Variants in VPS11 observed in about 807,000 individuals in gnomAD.
VPS11 encodes vacuolar protein sorting-associated protein 11 homolog.
A neutral mutation model predicts 106.8 loss-of-function variants in VPS11; 51 were observed. That is an observed-to-expected ratio of 0.48 (90% confidence interval 0.38 to 0.60). The LOEUF (loss-of-function observed/expected upper bound fraction) is 0.60, where lower values mean the gene tolerates loss of function less well. VPS11 is among the 20% of genes least tolerant of loss of function. The pLI, the probability that VPS11 is intolerant of heterozygous loss-of-function variation, is 0.00. For synonymous variants in VPS11, 453 were observed against 458.7 expected, an observed-to-expected ratio of 0.99 and a Z score of 0.16; for missense variants, 950 against 1,190.0, an observed-to-expected ratio of 0.80 and a Z score of 2.97.
At chr11:119,071,218 C>CT (rs1319757065) in intron 4 of VPS11, among the ~76,000 whole-genome samples, 18 of 152,240 alleles carry the variant, frequency 1.2e-4, no homozygotes, top group African/African-American at 4.3e-4. Context: ...GCATGAGCCA[C>CT]TGCACCGGCC....
intron 9 of VPS11, 62 bp from the exon 10 acceptor site, chr11:119,077,816 G>C (rs1945685260): frequency 6.3e-7 from 1 of 1,589,744 alleles, no homozygotes; most frequent in African/African-American, 1.3e-5. Context: ...CCAGAATGGT[G>C]AAAGTGCTTC....
chr11:119,081,764 C>G lies in VPS11; in HGVS notation c.*141C>G. ...AATGTCACAGCCCTCAGAACTAAAG[C>G]GGACTTTCTTTCCCTGCCTTCTTAT... On this transcript the variant is annotated 3_prime_UTR_variant, in exon 16 of 16. Transcript: ENST00000621676. The G allele has an allele frequency of 1.7e-6, 2 of 1,172,534 alleles. No homozygotes were observed. The highest frequency in any genetic ancestry group is 2.3e-6 in the Non-Finnish European group (2 of 853,378). 72.6% of individuals were successfully genotyped at this position (1,172,534 alleles called of 1,614,324 possible).
intron 9 of VPS11, 111 bp downstream of exon 9, chr11:119,077,758 G>A (rs991416743): frequency 7.1e-6 from 11 of 1,546,616 alleles, no homozygotes; most frequent in Admixed American, 1.9e-5. Context: ...CCTGAGTGGA[G>A]GTGAGACTCT....
intron 7 of VPS11, among the ~76,000 whole-genome samples, chr11:119,075,841 A>G (rs1356750248): frequency 6.6e-6 from 1 of 151,746 alleles, no homozygotes; most frequent in Non-Finnish European, 1.5e-5. Context: ...AGCAGAGGCT[A>G]TAGTGAGCCA....
rs2133639300 is a variant in VPS11, at chr11:119,067,872, C to T, written c.49C>T (p.Leu17=). ...GCGCTTCGTTTTCTTCGACAAGGAGCTGGTGAAGGAGCCGCTGAGCAATGA... is the reference window on the plus strand; with the variant it reads ...GCGCTTCGTTTTCTTCGACAAGGAGTTGGTGAAGGAGCCGCTGAGCAATGA... ...WRRFVFFDKE[L]VKEPLSNDGA... is the part of the protein sequence containing the mutation. The change falls in exon 1 of 16, where the codon CTG becomes TTG. Residue 17 remains leucine, a synonymous_variant. Coordinates refer to ENST00000621676, the MANE Select transcript of VPS11 (RefSeq NM_021729.6). The T allele has an allele frequency of 6.4e-7, 1 of 1,574,396 alleles. No homozygotes were observed. Among genetic ancestry groups the T allele is most frequent in the Non-Finnish European group, 8.6e-7 (1 of 1,159,558 alleles).
chr11:119,079,167 T>C lies in VPS11; in HGVS notation c.2305T>C (p.Ser769Pro). ...TLAHNSTATL[S>P]VIRDYLVQKL... ...GGCCCACAACTCCACAGCCACACTCTCCGTCATCAGGGACTACCTGGTCCA... is the reference window on the plus strand; with the variant it reads ...GGCCCACAACTCCACAGCCACACTCCCCGTCATCAGGGACTACCTGGTCCA... Residue 769 changes from serine to proline, a missense_variant, in exon 14 of 16, where the codon TCC becomes CCC. Around this residue, in one of 3 missense-constraint regions of VPS11, gnomAD observed 453 missense variants for 514.6 expected, o/e 0.88. Coordinates refer to ENST00000621676, the MANE Select transcript of VPS11 (RefSeq NM_021729.6). The C allele has an allele frequency of 1.2e-6, 2 of 1,613,880 alleles. No homozygotes were observed. The highest frequency in any genetic ancestry group is 1.7e-6 in the Non-Finnish European group (2 of 1,179,876).
At chr11:119,068,952 T>C (rs747600529) in intron 1 of VPS11, among the ~76,000 whole-genome samples, 1 of 134,992 alleles carries the variant, frequency 7.4e-6, no homozygotes, top group Non-Finnish European at 1.6e-5. Flanking sequence ...GGTTTCACCA[T>C]GTTGGCCAGG....
intron 3 of VPS11, 128 bp downstream of exon 3, chr11:119,069,705 T>C (rs1242495570): frequency 2.2e-6 from 3 of 1,370,708 alleles, no homozygotes; most frequent in Non-Finnish European, 3.0e-6. Flanking sequence ...CGATATTAAA[T>C]TTTGGAATGG....
chr11:119,067,933 C>A lies in VPS11; in HGVS notation c.110C>A (p.Ser37Tyr). ...AAPGATPASG[S>Y]AASKFLCLPP... ...CCCGGGGCCACACCTGCTTCTGGAT[C>A]CGCTGCTTCCAAGTTCCTTTGCCTC... The change falls in exon 1 of 16, where the codon TCC becomes TAC. Residue 37 changes from serine (S) to tyrosine (Y), a missense_variant. Ser to Tyr is a moderately radical substitution (Grantham distance 144, BLOSUM62 -2). This residue lies in a region of VPS11 where 435 missense variants were observed against 630.2 expected (regional missense o/e 0.69). Coordinates refer to ENST00000621676, the MANE Select transcript of VPS11 (RefSeq NM_021729.6). The A allele has an allele frequency of 6.2e-7, 1 of 1,612,086 alleles. No homozygotes were observed. The highest frequency in any genetic ancestry group is 1.1e-5 in the South Asian group (1 of 90,520).
At chr11:119,070,199 A>C (rs782097136) in intron 3 of VPS11, 35 bp from the exon 4 acceptor site, 13 of 1,577,618 alleles carry the variant, frequency 8.2e-6, no homozygotes, top group Admixed American at 3.6e-5. Context: ...TGATCTTTTC[A>C]GCCTTACTGA....
At chr11:119,068,444 C>CATTT (rs1945211599) in intron 1 of VPS11, among the ~76,000 whole-genome samples, 3 of 128,130 alleles carry the variant, frequency 2.3e-5, no homozygotes, top group African/African-American at 6.8e-5. Flanking sequence ...GCCTTTTTAC[C>CATTT]TTTTTTTTTT....
intron 6 of VPS11, 157 bp from the exon 7 acceptor site, chr11:119,073,643 A>T (rs782112807): frequency 2.9e-5 from 27 of 917,108 alleles, no homozygotes; most frequent in Non-Finnish European, 3.9e-5. Flanking sequence ...AAATAAGATG[A>T]TACTGATCTT....
intron 1 of VPS11, 34 bp downstream of exon 1, chr11:119,068,044 G>A (rs2133640595): frequency 3.2e-6 from 5 of 1,566,842 alleles, no homozygotes; most frequent in Admixed American, 1.8e-5. Flanking sequence ...TTTCCCTCCC[G>A]GGATCCCGAA....
chr11:119,077,294 G>A (rs1945658727), intron 8 of VPS11, among the ~76,000 whole-genome samples: 1 of 152,218 alleles, frequency 6.6e-6, no homozygotes, highest in South Asian at 2.1e-4. Context: ...TGGTGGCACT[G>A]GGGAAGTCCT....
In VPS11 at chr11:119,081,458, G is replaced by C. The variant is rs1945849802; in HGVS notation, c.2662-1G>C. 6.2e-7 allele frequency: 1 copy of C among 1,613,856 alleles called. No homozygotes were observed. The highest frequency in any genetic ancestry group is 8.5e-7 in the Non-Finnish European group (1 of 1,179,902). On this transcript the variant is annotated splice_acceptor_variant, in intron 15 of 15. Coordinates refer to ENST00000621676, the MANE Select transcript of VPS11 (RefSeq NM_021729.6). LOFTEE classifies it high-confidence loss of function. ...ATTCCTTCCCTCCTCTTCTCCTGCA[G>C]CTCAAGTGCTCCAATGACAGCTTTT... is the stretch of plus-strand genomic sequence containing the variant.
intron 3 of VPS11, 47 bp from the exon 4 acceptor site, chr11:119,070,187 C>A (rs367949756): frequency 1.3e-6 from 2 of 1,560,278 alleles, no homozygotes; most frequent in African/African-American, 2.7e-5. Context: ...CTCTCCACTT[C>A]CTGATCTTTT....
chr11:119,074,872 T>A (rs1382311400), intron 7 of VPS11, among the ~76,000 whole-genome samples: 1 of 152,194 alleles, frequency 6.6e-6, no homozygotes, highest in Non-Finnish European at 1.5e-5. Context: ...CACTTTGACC[T>A]GGTTCTTTAA....
intron 14 of VPS11, among the ~76,000 whole-genome samples, chr11:119,080,121 C>T (rs782387402): frequency 7.2e-5 from 11 of 151,994 alleles, no homozygotes; most frequent in Non-Finnish European, 1.5e-4. Flanking sequence ...TGCAGTGGCG[C>T]GATCTCAGCT....
chr11:119,073,651 C>T, intron 6 of VPS11, 149 bp from the exon 7 acceptor site: 1 of 947,590 alleles, frequency 1.1e-6, no homozygotes, highest in Admixed American at 2.8e-5. Context: ...TGATACTGAT[C>T]TTGGGGATAT....
Sources: allele counts gnomAD v4.1 joint callset (sites outside exome capture counted in the v4.1 genomes callset), GRCh38; gene constraint gnomAD v4.1.1; regional missense constraint gnomAD v4.1.1; transcripts MANE v1.5; gene names NCBI Gene and HGNC (gene_info 2026-07-23, HGNC 2026-07-21).